ASAP2: variants seen among roughly 807,000 people sequenced by gnomAD.
ASAP2 encodes arf-GAP with SH3 domain, ANK repeat and PH domain-containing protein 2.
In ASAP2, 45 loss-of-function variants were observed where a neutral mutation model predicts 131.4. The ratio of observed to expected loss-of-function variants is 0.34; its 90% CI spans 0.27 to 0.44. The LOEUF is 0.44. ASAP2 is among the 20% of genes least tolerant of loss of function. ASAP2 has a pLI of 1.00. For synonymous variants in ASAP2, 510 were observed against 503.0 expected (o/e 1.01, Z -0.19); for missense variants, 1,011 against 1,297.0 (o/e 0.78, Z 3.39).
chr2:9,306,765 C>T (rs147782103), intron 3 of ASAP2, among the ~76,000 whole-genome samples: 210 of 152,170 alleles, frequency 1.4e-3, no homozygotes, highest in African/African-American at 4.8e-3. Context: ...AACTTTCAGC[C>T]GTTTGGTAAT....
At chr2:9,265,912 A>G (rs1313103996) in intron 1 of ASAP2, among the ~76,000 whole-genome samples, 2 of 152,158 alleles carry the variant, frequency 1.3e-5, no homozygotes, top group African/African-American at 4.8e-5. Flanking sequence ...AGCTGGGATT[A>G]CAGGCGCGTG....
chr2:9,286,161 C>T (rs914674248), intron 2 of ASAP2, among the ~76,000 whole-genome samples: 1 of 152,146 alleles, frequency 6.6e-6, no homozygotes, highest in Non-Finnish European at 1.5e-5. Flanking sequence ...CTTTGGGAGG[C>T]TGAGGCAGAT....
At chr2:9,382,033 GAGTGC>G (rs1674893364) in intron 20 of ASAP2, among the ~76,000 whole-genome samples, 1 of 146,084 alleles carries the variant, frequency 6.8e-6, no homozygotes, top group Non-Finnish European at 1.5e-5. Flanking sequence ...ACCCAGGCTG[GAGTGC>G]AGTGACATGA....
chr2:9,372,728 G>A (rs1674073407), intron 16 of ASAP2, among the ~76,000 whole-genome samples: 1 of 152,158 alleles, frequency 6.6e-6, no homozygotes, highest in African/African-American at 2.4e-5. Flanking sequence ...GGTGGCTGGA[G>A]CATGTCCTGG....
intron 1 of ASAP2, among the ~76,000 whole-genome samples, chr2:9,214,177 G>A (rs1042302818): frequency 2.6e-5 from 4 of 152,210 alleles, no homozygotes; most frequent in Non-Finnish European, 5.9e-5. Flanking sequence ...CGCCTTTTCT[G>A]TGTAATGTGG....
intron 20 of ASAP2, among the ~76,000 whole-genome samples, chr2:9,384,950 C>A (rs1675150561): frequency 6.6e-6 from 1 of 152,242 alleles, no homozygotes; most frequent in African/African-American, 2.4e-5. Flanking sequence ...CTCCTGAGGC[C>A]TTAACACTCC....
At chr2:9,339,447 G>A (rs1445823887) in intron 9 of ASAP2, among the ~76,000 whole-genome samples, 1 of 152,054 alleles carries the variant, frequency 6.6e-6, no homozygotes, top group Non-Finnish European at 1.5e-5. Context: ...GTTTTCAGGA[G>A]ATCTAAGAGA....
At chr2:9,220,419 TAGTG>T (rs1365644697) in intron 1 of ASAP2, among the ~76,000 whole-genome samples, 6 of 152,234 alleles carry the variant, frequency 3.9e-5, no homozygotes, top group Non-Finnish European at 8.8e-5. Flanking sequence ...ACACCCATCT[TAGTG>T]GGTGTGAAGT....
intron 3 of ASAP2, among the ~76,000 whole-genome samples, chr2:9,301,573 G>A (rs1558310028): frequency 2.0e-5 from 3 of 152,194 alleles, no homozygotes; most frequent in Admixed American, 2.0e-4. Flanking sequence ...GTTTCTGAAA[G>A]GTTTGTTACA....
rs542306609 is a variant in ASAP2, at chr2:9,271,466, T to G, written c.127-7851T>G. On this transcript the variant is annotated intron_variant, in intron 1 of 27. Coordinates refer to ENST00000281419, the MANE Select transcript of ASAP2 (RefSeq NM_003887.3). ...AACGCCTTCACTGGTTTCTTTTTGGTGTAATCATCAGCGATCCCTTGGACA... is the reference window on the plus strand; with the variant it reads ...AACGCCTTCACTGGTTTCTTTTTGGGGTAATCATCAGCGATCCCTTGGACA... The G allele has an allele frequency of 7.9e-6, 11 of 1,398,228 alleles. No homozygotes were observed. In the East Asian group the frequency reaches 2.5e-4, roughly 32 times the overall value. The allele number at this position is 1,398,228 out of a possible 1,614,324, so 86.6% of individuals were successfully genotyped here.
At chr2:9,292,582 C>T (rs1266256244) in intron 2 of ASAP2, among the ~76,000 whole-genome samples, 1 of 152,130 alleles carries the variant, frequency 6.6e-6, no homozygotes, top group Non-Finnish European at 1.5e-5. Context: ...ATAGGACTCC[C>T]TGGTATTCCC....
intron 1 of ASAP2, among the ~76,000 whole-genome samples, chr2:9,222,382 T>A (rs1047983198): frequency 2.4e-4 from 37 of 152,234 alleles, no homozygotes; most frequent in Admixed American, 9.8e-4. Context: ...GCCACGGTGC[T>A]TGGTAGTCAC....
intron 1 of ASAP2, among the ~76,000 whole-genome samples, chr2:9,258,329 G>T: frequency 7.8e-6 from 1 of 128,708 alleles, no homozygotes; most frequent in African/African-American, 3.4e-5. Context: ...ATAGTAATCA[G>T]TAGTTGTTTT....
intron 21 of ASAP2, 132 bp from the exon 22 acceptor site, chr2:9,388,162 C>T: frequency 8.8e-7 from 1 of 1,137,666 alleles, no homozygotes; most frequent in Non-Finnish European, 1.2e-6. Flanking sequence ...TCTCAGGCAA[C>T]AGTTGAGAGC....
chr2:9,213,614 CA>C (rs992829830), intron 1 of ASAP2, among the ~76,000 whole-genome samples: 18 of 152,062 alleles, frequency 1.2e-4, no homozygotes, highest in East Asian at 5.8e-4. Flanking sequence ...GAGGAGGTAG[CA>C]GGGGGGGTGG....
rs960065429 is a variant in ASAP2, at chr2:9,317,219, TCACA to T, written c.346-1302_346-1299del. On this transcript the variant is annotated intron_variant, in intron 3 of 27. Coordinates refer to ENST00000281419, the MANE Select transcript of ASAP2 (RefSeq NM_003887.3). ...CAATCACACCCACTCACATCCACAC[TCACA>T]CAATCACACAACCACACTCATACAC... Among the ~76,000 whole-genome samples the T allele has an allele frequency of 4.4e-4, 30 of 68,550 alleles. No homozygotes were observed. The East Asian group carries it at 5.5e-3, about 13-fold the overall frequency. The allele number at this position is 68,550 out of a possible 152,430, so 45.0% of individuals were successfully genotyped here. A position where few individuals can be genotyped will look rare whatever the true frequency, so the allele number is the denominator to read the frequency against.
At chr2:9,307,495 G>T (rs536762962) in intron 3 of ASAP2, among the ~76,000 whole-genome samples, 8 of 152,348 alleles carry the variant, frequency 5.3e-5, no homozygotes, top group African/African-American at 1.9e-4. Flanking sequence ...GGTTTTAGAA[G>T]TAGTTTTGGG....
Position 9,389,915 on chromosome 2 carries a change from G to C in ASAP2, c.2384-1147G>C, listed in dbSNP as rs2709560. ...CCAGGGTGGGTGCGGCTTTCTCCCC[G>C]CCTCTCCCAGATCCTGCAGGCAGGC... On this transcript the variant is annotated intron_variant, in intron 22 of 27. Coordinates refer to ENST00000281419, the MANE Select transcript of ASAP2 (RefSeq NM_003887.3). This position sits in a 1 kb window ranked among gnomAD's most constrained non-coding sequence, Gnocchi z 4.7. Among the ~76,000 whole-genome samples the C allele has an allele frequency of 6.6e-6, 1 of 152,024 alleles. No individual in the cohort carries two copies. The highest frequency in any genetic ancestry group is 1.5e-5 in the Non-Finnish European group (1 of 67,994).
At position 9,389,032 on chromosome 2, in the gene ASAP2, C is replaced by T. The variant is rs923103533; in HGVS notation, c.2383+486C>T. ...CGATGCTCGGCCTAATTGTAAAATA[C>T]AAAACCAGCCCTGTGGGCCTACCAG... On this transcript the variant is annotated intron_variant, in intron 22 of 27. Transcript: ENST00000281419. The surrounding 1 kb of genome is among the most constrained non-coding windows in gnomAD (Gnocchi z 4.7). Among the ~76,000 whole-genome samples, 1 of 152,244 alleles carries T rather than the reference C, an allele frequency of 6.6e-6. No homozygotes were observed. Among genetic ancestry groups the T allele is most frequent in the African/African-American group, 2.4e-5 (1 of 41,466 alleles).
Sources: gnomAD v4.1 joint callset for allele counts (sites outside exome capture counted in the v4.1 genomes callset) on GRCh38, gnomAD v4.1.1 for gene constraint, Gnocchi (gnomAD v3.1) non-coding constraint, MANE v1.5 for transcripts, NCBI Gene and HGNC (gene_info 2026-07-23, HGNC 2026-07-21) for gene names.